The following CIB1 variants were observed in gnomAD, a reference collection of about 807,000 sequenced individuals.
CIB1 encodes the protein calcium and integrin binding 1.
Under a neutral mutation model 25.0 loss-of-function variants are expected in CIB1, and 19 were observed. The ratio of observed to expected loss-of-function variants is 0.76; its 90% confidence interval spans 0.53 to 1.12. The LOEUF (loss-of-function observed/expected upper bound fraction) is 1.12, where lower values mean the gene tolerates loss of function less well. Among genes scored for constraint, CIB1 ranks in the 50% most tolerant of loss-of-function variants. The pLI is 0.00. For synonymous variants in CIB1, 104 were observed against 98.5 expected (o/e 1.06, Z -0.33); for missense variants, 236 against 242.6 (o/e 0.97, Z 0.18).
chr15:90,247,370 T>A, the CIB1 span, among the ~76,000 whole-genome samples: 1 of 149,864 alleles, frequency 6.7e-6, no homozygotes, highest in Non-Finnish European at 1.5e-5. Context: ...TGGCCTCCAG[T>A]AATCCTCCTG....
At chr15:90,263,297 G>T in the CIB1 span, 1 of 668,446 alleles carries the variant, frequency 1.5e-6, no homozygotes. Context: ...TTGGGAGAGG[G>T]TCTGTTGATT....
chr15:90,231,160 A>G lies in CIB1; in HGVS notation c.400T>C (p.Cys134Arg), dbSNP rs1315708099. 1 of 1,614,202 alleles carries G rather than the reference A, an allele frequency of 6.2e-7. No individual in the cohort carries two copies. Among genetic ancestry groups the G allele is most frequent in the Non-Finnish European group, 8.5e-7 (1 of 1,180,038 alleles). Reference sequence around the variant, plus strand: ...GTGTCCTCGCCCTCTCCCGTGAGGCAGTTCACCAGCCGGCTCAGGTCTTCT... The same window carrying G: ...GTGTCCTCGCCCTCTCCCGTGAGGCGGTTCACCAGCCGGCTCAGGTCTTCT... ...NREDLSRLVN[C>R]LTGEGEDTRL... The change falls in exon 5 of 7, where the codon TGC becomes CGC. Residue 134 changes from cysteine to arginine, a missense_variant. Coordinates refer to ENST00000328649, the MANE Select transcript of CIB1 (RefSeq NM_006384.4).
chr15:90,238,152 T>G (rs1567071694), upstream of CIB1, among the ~76,000 whole-genome samples: 1 of 152,104 alleles, frequency 6.6e-6, no homozygotes, highest in Non-Finnish European at 1.5e-5. Context: ...ATACAAACAT[T>G]AGCCGGGCGT....
chr15:90,263,787 G>C, the CIB1 span: 5 of 703,870 alleles, frequency 7.1e-6, no homozygotes, highest in Admixed American at 1.0e-4. Context: ...TGAAATCTAT[G>C]AGTCTGGTCC....
At chr15:90,251,114 C>CGTTTTTTTT in the CIB1 span, among the ~76,000 whole-genome samples, 1 of 104,672 alleles carries the variant, frequency 9.6e-6, no homozygotes, top group African/African-American at 3.7e-5. Context: ...CCTGGTCTGT[C>CGTTTTTTTT]TTTTTTTTTT....
At chr15:90,265,731 C>T in the CIB1 span, 2 of 1,613,396 alleles carry the variant, frequency 1.2e-6, no homozygotes, top group South Asian at 1.1e-5. Context: ...TACCCTGAGT[C>T]TCTTGCTGGG....
intron 2 of CIB1, among the ~76,000 whole-genome samples, chr15:90,232,839 G>A (rs147353896): frequency 1.3e-5 from 1 of 78,196 alleles, no homozygotes; most frequent in African/African-American, 4.1e-5. Context: ...CCGGAGGCAG[G>A]AGAATCACTT....
chr15:90,238,776 A>G (rs1295422358), upstream of CIB1, among the ~76,000 whole-genome samples: 1 of 152,186 alleles, frequency 6.6e-6, no homozygotes, highest in African/African-American at 2.4e-5. Context: ...TTTTCCCACA[A>G]AAGAAGTGGT....
the CIB1 span, among the ~76,000 whole-genome samples, chr15:90,261,206 G>A: frequency 6.6e-6 from 1 of 150,612 alleles, no homozygotes; most frequent in Non-Finnish European, 1.5e-5. Flanking sequence ...AGCCTCCCAA[G>A]TAGCTGGGAC....
At chr15:90,257,677 A>C in the CIB1 span, 2 of 1,614,072 alleles carry the variant, frequency 1.2e-6, no homozygotes, top group Non-Finnish European at 1.7e-6. Context: ...GCTATCAACA[A>C]ACACAATGAG....
chr15:90,232,276 C>T lies in CIB1; in HGVS notation c.138G>A (p.Glu46=), dbSNP rs1363511291. 1.2e-6 allele frequency: 2 copies of T among 1,612,514 alleles called. No homozygotes were observed. Among genetic ancestry groups the T allele is most frequent in the Non-Finnish European group, 1.7e-6 (2 of 1,178,934 alleles). The change falls in exon 3 of 7, where the codon GAG becomes GAA. Residue 46 remains glutamate, a synonymous_variant. Coordinates refer to ENST00000328649, the MANE Select transcript of CIB1 (RefSeq NM_006384.4). ...AGGGCACTTGTGCCCGAAGTGACGA[C>T]TCCACGCTCCGCTGCTCCTGGGGAA... is the stretch of plus-strand genomic sequence containing the variant. ...ELLPQEQRSV[E]SSLRAQVPFE... is the part of the protein sequence containing the mutation.
the CIB1 span, among the ~76,000 whole-genome samples, chr15:90,251,114 C>CTTTTTTTTTTTTTTT: frequency 9.1e-4 from 95 of 104,660 alleles, 5 homozygotes; most frequent in African/African-American, 1.1e-3. Context: ...CCTGGTCTGT[C>CTTTTTTTTTTTTTTT]TTTTTTTTTT....
chr15:90,251,114 C>CTTTTTCTTTTT, the CIB1 span, among the ~76,000 whole-genome samples: 1 of 104,672 alleles, frequency 9.6e-6, no homozygotes. Flanking sequence ...CCTGGTCTGT[C>CTTTTTCTTTTT]TTTTTTTTTT....
At chr15:90,261,142 G>A in the CIB1 span, among the ~76,000 whole-genome samples, 5 of 147,406 alleles carry the variant, frequency 3.4e-5, no homozygotes, top group South Asian at 6.4e-4. Flanking sequence ...GCAGTGCCAC[G>A]ATCTTGGCTC....
the CIB1 span, chr15:90,262,500 T>G: frequency 6.7e-7 from 1 of 1,496,850 alleles, no homozygotes; most frequent in Non-Finnish European, 8.8e-7. Flanking sequence ...AGGCAGCAAC[T>G]AGAGGAGATC....
At position 90,232,249 on chromosome 15, in the gene CIB1, G is replaced by A. The variant is rs750935039; in HGVS notation, c.165C>T (p.Phe55=). The A allele has an allele frequency of 8.1e-6, 13 of 1,612,714 alleles. No individual in the cohort carries two copies. The highest frequency in any genetic ancestry group is 5.3e-5 in the African/African-American group (4 of 74,926). ...VESSLRAQVP[F]EQILSLPELK... The stretch of plus-strand genomic sequence containing the variant: ...GCTCTGGAAGGCTGAGAATCTGCTC[G>A]AAGGGCACTTGTGCCCGAAGTGACG... The change falls in exon 3 of 7, where the codon TTC becomes TTT. Residue 55 remains phenylalanine, a synonymous_variant. Transcript: ENST00000328649.
the CIB1 span, chr15:90,262,091 T>G: frequency 6.5e-7 from 1 of 1,536,096 alleles, no homozygotes; most frequent in Non-Finnish European, 8.7e-7. Context: ...CCGGCGGATC[T>G]ACCCTGGGCC....
At chr15:90,236,923 A>G (rs1962647298), upstream of CIB1, among the ~76,000 whole-genome samples, 1 of 152,018 alleles carries the variant, frequency 6.6e-6, no homozygotes, top group South Asian at 2.1e-4. Context: ...CTCTTGGTAC[A>G]GTGATAAAAC....
At chr15:90,253,679 C>A in the CIB1 span, among the ~76,000 whole-genome samples, 1 of 152,120 alleles carries the variant, frequency 6.6e-6, no homozygotes, top group African/African-American at 2.4e-5. Flanking sequence ...TACTGGGAGG[C>A]AGCTTCAGAG....
Sources: gnomAD v4.1 joint callset for allele counts (sites outside exome capture counted in the v4.1 genomes callset) on GRCh38, gnomAD v4.1.1 for gene constraint, MANE v1.5 for transcripts, NCBI Gene and HGNC (gene_info 2026-07-23, HGNC 2026-07-21) for gene names.